Variants in RALYL observed in about 807,000 individuals in gnomAD.
RALYL encodes the protein RALY RNA binding protein like, also known as RNA-binding Raly-like protein.
RALYL carries 29 observed loss-of-function variants against 35.1 expected under a neutral mutation model. That is an observed-to-expected ratio of 0.83 (90% CI 0.61 to 1.13). The LOEUF is 1.13. Ranked by LOEUF, RALYL falls within the 50% of genes most tolerant of loss-of-function variation. RALYL has a pLI of 0.00. For missense variants in RALYL, 359 were observed against 360.4 expected (o/e 1.00, Z 0.03); for synonymous variants, 120 against 127.6 (o/e 0.94, Z 0.40).
intron 1 of RALYL, among the ~76,000 whole-genome samples, chr8:84,493,570 G>T (rs2055598703): frequency 1.3e-5 from 2 of 152,058 alleles, no homozygotes; most frequent in Non-Finnish European, 2.9e-5. Context: ...AGCCTCACCA[G>T]CATCAGTTGT....
At chr8:84,440,869 C>T (rs982007015) in intron 1 of RALYL, among the ~76,000 whole-genome samples, 5 of 151,976 alleles carry the variant, frequency 3.3e-5, no homozygotes, top group Middle Eastern at 3.4e-3. Context: ...TTTCATTTAA[C>T]TTGATTTAAT....
rs143550384 is a variant in RALYL, at chr8:84,711,250, T to A, written c.257-63329T>A. On this transcript the variant is annotated intron_variant, in intron 2 of 8. Transcript: ENST00000521268. Reference sequence around the variant, plus strand: ...AGTAGGACAGACAACAGATTTTAACTGAAAAGTCCATTTCATTTGTAACTG... The same window carrying A: ...AGTAGGACAGACAACAGATTTTAACAGAAAAGTCCATTTCATTTGTAACTG... Among the ~76,000 whole-genome samples, 275 of 152,306 alleles carry A rather than the reference T, an allele frequency of 1.8e-3. 6 individuals carry two copies. In the East Asian group the frequency reaches 0.043, roughly 24 times the overall value.
At chr8:84,612,396 G>C (rs1394461091) in intron 2 of RALYL, among the ~76,000 whole-genome samples, 1 of 151,942 alleles carries the variant, frequency 6.6e-6, no homozygotes, top group South Asian at 2.1e-4. Context: ...TACTTAAGTT[G>C]TAACACTTTC....
intron 1 of RALYL, among the ~76,000 whole-genome samples, chr8:84,276,954 T>A (rs1038946751): frequency 6.6e-6 from 1 of 152,216 alleles, no homozygotes; most frequent in Non-Finnish European, 1.5e-5. Flanking sequence ...AATAAACAGA[T>A]AATTTTTTCC....
At chr8:84,579,647 A>G (rs1037277971) in intron 2 of RALYL, among the ~76,000 whole-genome samples, 1 of 152,232 alleles carries the variant, frequency 6.6e-6, no homozygotes, top group Non-Finnish European at 1.5e-5. Flanking sequence ...TGGAATGACA[A>G]GCATCTCAAA....
chr8:84,277,573 T>G (rs1835665828), intron 1 of RALYL, among the ~76,000 whole-genome samples: 1 of 152,186 alleles, frequency 6.6e-6, no homozygotes, highest in Non-Finnish European at 1.5e-5. Flanking sequence ...AAGTCACATC[T>G]GAGACAAGGC....
chr8:84,225,253 C>G (rs1479928855), intron 1 of RALYL, among the ~76,000 whole-genome samples: 1 of 152,180 alleles, frequency 6.6e-6, no homozygotes, highest in Non-Finnish European at 1.5e-5. Flanking sequence ...CAAGTCATGT[C>G]ATTTCTAGCT....
intron 1 of RALYL, among the ~76,000 whole-genome samples, chr8:84,194,856 T>C (rs1814825097): frequency 6.6e-6 from 1 of 152,124 alleles, no homozygotes; most frequent in Non-Finnish European, 1.5e-5. Flanking sequence ...TTGTTAAATG[T>C]CTTCTTGCTA....
intron 2 of RALYL, among the ~76,000 whole-genome samples, chr8:84,622,850 A>T (rs1280264259): frequency 6.6e-6 from 1 of 152,232 alleles, no homozygotes; most frequent in East Asian, 1.9e-4. Flanking sequence ...ATTGACGAGT[A>T]CACACCAAGT....
At chr8:84,690,734 C>G (rs1199311131) in intron 2 of RALYL, among the ~76,000 whole-genome samples, 4 of 152,070 alleles carry the variant, frequency 2.6e-5, no homozygotes, top group Non-Finnish European at 5.9e-5. Context: ...CTGTTTCTCA[C>G]ATGCATATAA....
chr8:84,520,762 T>C (rs1382900007), intron 1 of RALYL, among the ~76,000 whole-genome samples: 1 of 152,184 alleles, frequency 6.6e-6, no homozygotes, highest in Non-Finnish European at 1.5e-5. Flanking sequence ...AGAATCTAAC[T>C]AATGCTTGAT....
chr8:84,513,123 T>TA lies in RALYL; in HGVS notation c.-23-16171dup, dbSNP rs1587890554. 3.3e-5 allele frequency among the ~76,000 whole-genome samples: 5 copies of TA among 152,336 alleles called. No homozygotes were observed. The East Asian group carries it at 9.6e-4, about 29-fold the overall frequency. ...GATTGCTTTGGGTGGTATAATCATT[T>TA]AAAAATTAACTTTTCATTCAATGAG... On this transcript the variant is annotated intron_variant, in intron 1 of 8. Coordinates refer to ENST00000521268, the MANE Select transcript of RALYL (RefSeq NM_173848.7).
chr8:84,368,181 T>C (rs1277822723), intron 1 of RALYL, among the ~76,000 whole-genome samples: 2 of 152,160 alleles, frequency 1.3e-5, no homozygotes, highest in African/African-American at 4.8e-5. Context: ...ATAAGAAACA[T>C]AAAAAGTACA....
In RALYL at chr8:84,483,555, C is replaced by T. The variant is rs113171942; in HGVS notation, c.-23-45744C>T. 7.5e-4 allele frequency among the ~76,000 whole-genome samples: 114 copies of T among 152,116 alleles called. 1 individual carries two copies. The Middle Eastern group carries it at 0.01, about 14-fold the overall frequency. ...ATAATAACACAAATAATTGCAAGTC[C>T]CTTAAATAATGTACCTTTGTCCTTA... is the stretch of plus-strand genomic sequence containing the variant. On this transcript the variant is annotated intron_variant, in intron 1 of 8. Coordinates refer to ENST00000521268, the MANE Select transcript of RALYL (RefSeq NM_173848.7).
intron 2 of RALYL, among the ~76,000 whole-genome samples, chr8:84,552,666 G>A (rs1274709373): frequency 3.3e-5 from 5 of 150,936 alleles, no homozygotes; most frequent in African/African-American, 1.2e-4. Flanking sequence ...ATCTAACCTG[G>A]TACTCTGATT....
intron 2 of RALYL, among the ~76,000 whole-genome samples, chr8:84,757,157 A>G (rs1316633925): frequency 6.6e-6 from 1 of 152,144 alleles, no homozygotes; most frequent in East Asian, 1.9e-4. Context: ...ATTTAGAGAT[A>G]TTTTTGATAA....
At chr8:84,878,451 A>G (rs1226857154) in intron 7 of RALYL, among the ~76,000 whole-genome samples, 4 of 152,234 alleles carry the variant, frequency 2.6e-5, no homozygotes, top group Non-Finnish European at 5.9e-5. Context: ...GTATCTCTCT[A>G]TACTTACAAA....
intron 1 of RALYL, among the ~76,000 whole-genome samples, chr8:84,410,934 T>A (rs977829515): frequency 1.7e-4 from 26 of 151,786 alleles, no homozygotes; most frequent in Admixed American, 6.6e-5. Flanking sequence ...TGAATCTTAT[T>A]TTAGTAAGTT....
chr8:84,263,743 C>T (rs1189264874), intron 1 of RALYL, among the ~76,000 whole-genome samples: 2 of 152,062 alleles, frequency 1.3e-5, no homozygotes, highest in African/African-American at 4.8e-5. Context: ...GCTATTTCTC[C>T]TAATACTCTA....
Sources: allele counts gnomAD v4.1 joint callset (sites outside exome capture counted in the v4.1 genomes callset), GRCh38; gene constraint gnomAD v4.1.1; transcripts MANE v1.5; gene names NCBI Gene and HGNC (gene_info 2026-07-23, HGNC 2026-07-21).